The following DAB1 variants were observed in gnomAD, a reference collection of about 807,000 sequenced individuals.
The protein encoded by DAB1 is disabled homolog 1.
In DAB1, 15 loss-of-function variants were observed where a neutral mutation model predicts 64.6. The ratio of observed to expected loss-of-function variants is 0.23; its 90% CI spans 0.16 to 0.36. The LOEUF is 0.36. DAB1 is among the 10% of genes least tolerant of loss of function. The pLI is 1.00. For missense variants in DAB1, 596 were observed against 706.7 expected (o/e 0.84, Z 1.78); for synonymous variants, 235 against 251.9 (o/e 0.93, Z 0.64).
At chr1:57,303,878 T>C (rs922742384) in intron 1 of DAB1, among the ~76,000 whole-genome samples, 1 of 151,956 alleles carries the variant, frequency 6.6e-6, no homozygotes, top group South Asian at 2.1e-4. Flanking sequence ...TATTCCTAAC[T>C]CCAGAAAAAC....
At chr1:57,096,533 T>C (rs1654183805) in intron 4 of DAB1, among the ~76,000 whole-genome samples, 1 of 152,192 alleles carries the variant, frequency 6.6e-6, no homozygotes, top group Admixed American at 6.5e-5. Flanking sequence ...CCCATCTTCC[T>C]GAGAGCTTTG....
chr1:58,100,542 C>T (rs1651253420), intron 5 of DAB1, among the ~76,000 whole-genome samples: 1 of 152,182 alleles, frequency 6.6e-6, no homozygotes, highest in Admixed American at 6.5e-5. Flanking sequence ...ACGCATATCT[C>T]TTTGAGTCCT....
intron 2 of DAB1, among the ~76,000 whole-genome samples, chr1:57,177,462 C>T (rs1007534972): frequency 1.4e-4 from 22 of 152,194 alleles, no homozygotes; most frequent in African/African-American, 4.6e-4. Flanking sequence ...TTTTTCCTCC[C>T]CTATATTTAC....
chr1:58,179,902 C>T (rs995725967), intron 4 of DAB1, among the ~76,000 whole-genome samples: 5 of 151,760 alleles, frequency 3.3e-5, no homozygotes, highest in African/African-American at 9.7e-5. Context: ...ATTCAGCCAA[C>T]TGTGGATTGA....
chr1:57,081,519 A>G (rs941531131), intron 4 of DAB1, among the ~76,000 whole-genome samples: 4 of 152,216 alleles, frequency 2.6e-5, no homozygotes, highest in African/African-American at 9.7e-5. Flanking sequence ...GTCATCTGAG[A>G]ACCTGGATTC....
intron 6 of DAB1, among the ~76,000 whole-genome samples, chr1:57,742,968 T>C (rs1648074324): frequency 6.6e-6 from 1 of 152,178 alleles, no homozygotes. Flanking sequence ...TGCCGCTGTA[T>C]ACACAGGGAG....
intron 4 of DAB1, among the ~76,000 whole-genome samples, chr1:58,337,929 AC>A (rs1663160804): frequency 6.6e-6 from 1 of 152,098 alleles, no homozygotes; most frequent in African/African-American, 2.4e-5. Context: ...CATATAGTTA[AC>A]AGTACTATTA....
chr1:58,054,814 T>G (rs140827970), intron 5 of DAB1, among the ~76,000 whole-genome samples: 18 of 152,258 alleles, frequency 1.2e-4, no homozygotes, highest in African/African-American at 3.8e-4. Flanking sequence ...GGGGAGAAAT[T>G]GCTGTTTTAA....
chr1:57,799,588 G>C (rs1460821041), intron 6 of DAB1, among the ~76,000 whole-genome samples: 4 of 151,876 alleles, frequency 2.6e-5, no homozygotes, highest in Non-Finnish European at 5.9e-5. Context: ...AAAGATCTGG[G>C]GGGGGCTTTC....
At chr1:57,159,741 A>C (rs1418942965) in intron 2 of DAB1, among the ~76,000 whole-genome samples, 1 of 151,784 alleles carries the variant, frequency 6.6e-6, no homozygotes, top group Non-Finnish European at 1.5e-5. Flanking sequence ...CTCAGGTACT[A>C]TTAATCAGGC....
At chr1:58,314,514 T>C (rs1478208509) in intron 4 of DAB1, among the ~76,000 whole-genome samples, 1 of 152,178 alleles carries the variant, frequency 6.6e-6, no homozygotes. Context: ...GACTTGATAT[T>C]TTGTACTTAC....
At chr1:57,826,036 G>A (rs1255976919), downstream of DAB1, 1 of 152,114 alleles carries the variant, frequency 6.6e-6, no homozygotes, top group Non-Finnish European at 1.5e-5. Flanking sequence ...AAAAAGATGT[G>A]GTTTGCTAGG....
At chr1:58,250,488 C>CAGCAGT (rs1206439045) in intron 4 of DAB1, among the ~76,000 whole-genome samples, 1 of 152,252 alleles carries the variant, frequency 6.6e-6, no homozygotes, top group East Asian at 1.9e-4. Context: ...GCAGCAGCAG[C>CAGCAGT]AGCAGTAGAG....
intron 1 of DAB1, among the ~76,000 whole-genome samples, chr1:57,412,144 C>T (rs1168214154): frequency 1.3e-5 from 2 of 152,214 alleles, no homozygotes; most frequent in Admixed American, 1.3e-4. Context: ...GCCATGCCCA[C>T]ATAAGACAAT....
chr1:57,551,245 C>T (rs1287562535), intron 7 of DAB1, among the ~76,000 whole-genome samples: 1 of 152,192 alleles, frequency 6.6e-6, no homozygotes, highest in Non-Finnish European at 1.5e-5. Context: ...CTCCACCACT[C>T]AGTACATAAG....
chr1:58,280,318 A>T (rs1176578488), intron 4 of DAB1, among the ~76,000 whole-genome samples: 1 of 152,164 alleles, frequency 6.6e-6, no homozygotes, highest in African/African-American at 2.4e-5. Context: ...GAAGGGCTGA[A>T]GCTGGTGTGG....
intron 5 of DAB1, among the ~76,000 whole-genome samples, chr1:57,946,076 G>A (rs1645180258): frequency 6.6e-6 from 1 of 152,182 alleles, no homozygotes; most frequent in Admixed American, 6.6e-5. Context: ...AAGCCAGCAA[G>A]TGACAGATAC....
chr1:57,799,338 G>A (rs566136655), intron 6 of DAB1, among the ~76,000 whole-genome samples: 6 of 152,160 alleles, frequency 3.9e-5, no homozygotes, highest in South Asian at 2.1e-4. Context: ...TTAAGCCTTC[G>A]GTGGCTTCCA....
chr1:58,468,983 T>A (rs1645326183), intron 3 of DAB1: 1 of 244,182 alleles, frequency 4.1e-6, no homozygotes, highest in Non-Finnish European at 6.6e-6. Context: ...TGGCTGACCT[T>A]CTTTCATTTA....
Sources: allele counts gnomAD v4.1 joint callset (sites outside exome capture counted in the v4.1 genomes callset), GRCh38; gene constraint gnomAD v4.1.1; transcripts MANE v1.5; gene names NCBI Gene and HGNC (gene_info 2026-07-23, HGNC 2026-07-21).